BANP: variants seen among roughly 807,000 people sequenced by gnomAD.
BANP encodes BTG3 associated nuclear protein.
Under a neutral mutation model 68.1 loss-of-function variants are expected in BANP, and 11 were observed. That is an observed-to-expected ratio of 0.16 (90% CI 0.10 to 0.27). The LOEUF is 0.27. BANP is among the 10% of genes least tolerant of loss of function. BANP has a pLI of 1.00. For missense variants in BANP, 504 were observed against 722.7 expected (o/e 0.70, Z 3.47); for synonymous variants, 329 against 303.2 (o/e 1.09, Z -0.88).
rs138005717 is a variant in BANP at position 87,974,779 on chromosome 16, G to A, written c.-68-269G>A. 9.2e-5 allele frequency among the ~76,000 whole-genome samples: 14 copies of A among 152,272 alleles called. No individual in the cohort carries two copies. The East Asian group carries it at 2.7e-3, about 29-fold the overall frequency. On this transcript the variant is annotated intron_variant, in intron 1 of 13. Coordinates refer to ENST00000682872, the MANE Select transcript of BANP (RefSeq NM_001386991.1). The stretch of plus-strand genomic sequence containing the variant: ...AAGCCAGTGTTGGGAAGGTGGCTTT[G>A]GAAGGGCATGAGGAACACAGTGGAA...
intron 7 of BANP, among the ~76,000 whole-genome samples, chr16:88,023,936 G>A (rs956218302): frequency 6.6e-6 from 1 of 152,254 alleles, no homozygotes; most frequent in Non-Finnish European, 1.5e-5. Flanking sequence ...GATATGGCTG[G>A]GGAAAGCAGG....
intron 8 of BANP, 57 bp from the exon 9 acceptor site, chr16:88,033,052 C>T (rs927703150): frequency 4.0e-6 from 6 of 1,514,482 alleles, no homozygotes; most frequent in East Asian, 4.6e-5. Context: ...ACATGCCACA[C>T]CAGGCAATGC....
rs116926901 is a variant in BANP at position 88,026,723 on chromosome 16, A to G, written c.896-760A>G. Among the ~76,000 whole-genome samples, 167 of 152,330 alleles carry G rather than the reference A, an allele frequency of 1.1e-3. 4 individuals carry two copies. The East Asian group carries it at 0.028, about 25-fold the overall frequency. ...CTGTGTTTATGAGGGGGACAGAGTA[A>G]CAAAAATACATACTTCAATTCTCCA... On this transcript the variant is annotated intron_variant, in intron 7 of 13. Coordinates refer to ENST00000682872, the MANE Select transcript of BANP (RefSeq NM_001386991.1).
chr16:87,985,608 T>G (rs1598116562), intron 4 of BANP, among the ~76,000 whole-genome samples: 1 of 152,362 alleles, frequency 6.6e-6, no homozygotes, highest in Non-Finnish European at 1.5e-5. Context: ...CTTATAGTTA[T>G]TAGACTGTCC....
At chr16:87,971,929 A>C (rs2061203581) in intron 1 of BANP, among the ~76,000 whole-genome samples, 1 of 152,114 alleles carries the variant, frequency 6.6e-6, no homozygotes, top group Admixed American at 6.5e-5. Context: ...AGTAGCAGGG[A>C]CCACAGGCAG....
intron 12 of BANP, among the ~76,000 whole-genome samples, chr16:88,067,526 G>A (rs1338280131): frequency 2.0e-5 from 3 of 152,130 alleles, no homozygotes; most frequent in Non-Finnish European, 4.4e-5. Flanking sequence ...CACTGCCACC[G>A]CTCAAACCTG....
At chr16:87,961,409 A>ACCC (rs908188118) in intron 1 of BANP, among the ~76,000 whole-genome samples, 4 of 130,290 alleles carry the variant, frequency 3.1e-5, no homozygotes, top group Admixed American at 7.8e-5. Context: ...CAGAATCTGC[A>ACCC]CCCCCCCGGG....
At chr16:87,956,394 G>C (rs551374259) in intron 1 of BANP, among the ~76,000 whole-genome samples, 5 of 152,316 alleles carry the variant, frequency 3.3e-5, no homozygotes, top group Admixed American at 6.5e-5. Context: ...TCTTCACACG[G>C]GTGACGGTGG....
chr16:88,027,372 C>A, intron 7 of BANP, 111 bp from the exon 8 acceptor site: 1 of 1,219,766 alleles, frequency 8.2e-7, no homozygotes, highest in Non-Finnish European at 1.2e-6. Flanking sequence ...GCCTGGCGGG[C>A]TGGGGTGCCT....
At chr16:87,960,799 A>C (rs1185353394) in intron 1 of BANP, among the ~76,000 whole-genome samples, 1 of 152,234 alleles carries the variant, frequency 6.6e-6, no homozygotes, top group East Asian at 1.9e-4. Flanking sequence ...ATAAAAAAAT[A>C]ATTTACAGAT....
chr16:88,060,215 G>C (rs1473118850), intron 11 of BANP, among the ~76,000 whole-genome samples: 1 of 152,276 alleles, frequency 6.6e-6, no homozygotes, highest in Non-Finnish European at 1.5e-5. Context: ...GCATAACGTA[G>C]TTTGAGGTGT....
chr16:87,963,857 A>G (rs572119244), intron 1 of BANP, among the ~76,000 whole-genome samples: 3 of 152,354 alleles, frequency 2.0e-5, no homozygotes, highest in South Asian at 2.1e-4. Context: ...GTTAAAGCCA[A>G]GTTTTCTGCC....
chr16:88,036,728 CGTG>C lies in BANP; in HGVS notation c.1273-1242_1273-1240del, dbSNP rs1567831111. Among the ~76,000 whole-genome samples the C allele has an allele frequency of 6.6e-6, 1 of 152,002 alleles. No homozygotes were observed. Among genetic ancestry groups the C allele is most frequent in the East Asian group, 1.9e-4 (1 of 5,186 alleles). On this transcript the variant is annotated intron_variant, in intron 10 of 13. Transcript: ENST00000682872. The surrounding 1 kb of genome is among the most constrained non-coding windows in gnomAD (Gnocchi z 4.2). ...GCGACATGACCAGGTCACTAAGAAA[CGTG>C]GTCAGATGGATGGATGGAAGGAAGC...
chr16:88,016,756 T>C (rs1400918303), intron 6 of BANP, among the ~76,000 whole-genome samples: 4 of 152,196 alleles, frequency 2.6e-5, no homozygotes, highest in Non-Finnish European at 5.9e-5. Flanking sequence ...AATGTAATAG[T>C]GGCCGACCGA....
intron 7 of BANP, among the ~76,000 whole-genome samples, chr16:88,020,694 G>C (rs529652284): frequency 6.6e-6 from 1 of 152,326 alleles, no homozygotes; most frequent in African/African-American, 2.4e-5. Flanking sequence ...TTCGGGGCTG[G>C]GCCCTGTTCC....
chr16:87,974,605 A>T (rs2061687622), intron 1 of BANP, among the ~76,000 whole-genome samples: 1 of 152,028 alleles, frequency 6.6e-6, no homozygotes. Context: ...CACCACGGAG[A>T]CCAGTGGTAT....
At chr16:87,981,872 T>G (rs1177303833) in intron 3 of BANP, among the ~76,000 whole-genome samples, 2 of 152,246 alleles carry the variant, frequency 1.3e-5, no homozygotes, top group African/African-American at 2.4e-5. Flanking sequence ...TTTGGATCTT[T>G]GAATTTGCTT....
rs368146207 is a variant in BANP, at chr16:88,033,140, C to A, written c.1095C>A (p.Ser365Arg). The A allele has an allele frequency of 6.2e-7, 1 of 1,608,394 alleles. No individual in the cohort carries two copies. Among genetic ancestry groups the A allele is most frequent in the Non-Finnish European group, 8.5e-7 (1 of 1,175,938 alleles). The stretch of plus-strand genomic sequence containing the variant: ...TGATGAGCACCCCACCTCCTGCCAG[C>A]GAGCTCCCGCAGCCACAGCCGCAGC... ...EPMMSTPPPA[S>R]ELPQPQPQPQ... The change falls in exon 9 of 14, where the codon AGC (serine) becomes AGA (arginine). Residue 365 changes from serine (S) to arginine (R), a missense_variant. This residue lies in a region of BANP where 223 missense variants were observed against 246.2 expected (regional missense o/e 0.91). Coordinates refer to ENST00000682872, the MANE Select transcript of BANP (RefSeq NM_001386991.1).
intron 13 of BANP, among the ~76,000 whole-genome samples, 192 bp from the exon 14 acceptor site, chr16:88,076,398 T>C (rs2091622882): frequency 6.6e-6 from 1 of 152,068 alleles, no homozygotes; most frequent in African/African-American, 2.4e-5. Context: ...GCCAGGGTCG[T>C]GGGCGCGTCG....
Sources: gnomAD v4.1 joint callset for allele counts (sites outside exome capture counted in the v4.1 genomes callset) on GRCh38, gnomAD v4.1.1 for gene constraint, gnomAD v4.1.1 regional missense constraint, Gnocchi (gnomAD v3.1) non-coding constraint, MANE v1.5 for transcripts, NCBI Gene and HGNC (gene_info 2026-07-23, HGNC 2026-07-21) for gene names.